Variants in RANBP2 observed in about 807,000 individuals in gnomAD.
The protein encoded by RANBP2 is E3 SUMO-protein ligase RanBP2.
In RANBP2, 57 loss-of-function variants were observed where a neutral mutation model predicts 303.6. The observed-to-expected ratio is 0.19, with a 90% CI of 0.15 to 0.23. The LOEUF (loss-of-function observed/expected upper bound fraction) is 0.23. Ranked by LOEUF, RANBP2 falls within the 10% of genes least tolerant of loss-of-function variation. The pLI is 1.00. For synonymous variants in RANBP2, 1,167 were observed against 1,301.5 expected (o/e 0.90, Z 2.23); for missense variants, 3,138 against 3,780.8 (o/e 0.83, Z 4.46).
the RANBP2 span, among the ~76,000 whole-genome samples, chr2:108,843,870 G>T: frequency 2.5e-4 from 4 of 16,066 alleles, 1 homozygote; most frequent in Admixed American, 2.0e-3. Context: ...GTGTGTGTGT[G>T]TGTGTGTGTT....
the RANBP2 span, among the ~76,000 whole-genome samples, chr2:109,287,984 C>T: frequency 8.5e-5 from 13 of 152,310 alleles, no homozygotes; most frequent in Middle Eastern, 6.8e-3. Context: ...ATTTGAAAGG[C>T]GAAGTGAGCC....
chr2:109,236,669 A>C, the RANBP2 span, among the ~76,000 whole-genome samples: 1 of 152,202 alleles, frequency 6.6e-6, no homozygotes, highest in Admixed American at 6.5e-5. Flanking sequence ...AAGACGCCTA[A>C]AGGTCAAGGT....
At chr2:109,708,183 C>T in the RANBP2 span, among the ~76,000 whole-genome samples, 1 of 152,120 alleles carries the variant, frequency 6.6e-6, no homozygotes, top group African/African-American at 2.4e-5. Context: ...CATGGCAAAA[C>T]CCCATCTCTA....
At chr2:108,874,309 A>G in the RANBP2 span, among the ~76,000 whole-genome samples, 3 of 152,226 alleles carry the variant, frequency 2.0e-5, no homozygotes, top group African/African-American at 7.2e-5. Flanking sequence ...TACTGCCACT[A>G]ATTTGGATTT....
intron 1 of RANBP2, among the ~76,000 whole-genome samples, chr2:108,722,632 T>C (rs997674522): frequency 1.6e-5 from 2 of 124,864 alleles, no homozygotes; most frequent in African/African-American, 9.5e-5. Flanking sequence ...CTCCCTCACA[T>C]GTGCTTTTGC....
At chr2:109,114,479 T>A in the RANBP2 span, among the ~76,000 whole-genome samples, 2 of 151,966 alleles carry the variant, frequency 1.3e-5, no homozygotes, top group African/African-American at 4.8e-5. Context: ...GGTGGTGATA[T>A]CCCCTTTATC....
the RANBP2 span, among the ~76,000 whole-genome samples, chr2:109,156,938 T>G: frequency 6.6e-6 from 1 of 152,234 alleles, no homozygotes; most frequent in African/African-American, 2.4e-5. Context: ...ATACTATTTC[T>G]TATTTAAAGA....
the RANBP2 span, among the ~76,000 whole-genome samples, chr2:109,493,662 T>C: frequency 6.7e-6 from 1 of 149,548 alleles, no homozygotes; most frequent in Non-Finnish European, 1.5e-5. Flanking sequence ...CACACACATA[T>C]TATACAAACA....
the RANBP2 span, among the ~76,000 whole-genome samples, chr2:109,632,645 C>T: frequency 6.6e-6 from 1 of 151,978 alleles, no homozygotes. Flanking sequence ...TTAGTAGAAA[C>T]CCCGTTTCTA....
the RANBP2 span, among the ~76,000 whole-genome samples, chr2:109,733,935 G>A: frequency 2.0e-5 from 3 of 152,008 alleles, no homozygotes; most frequent in South Asian, 2.1e-4. Flanking sequence ...ATTTTGGGAG[G>A]CCGACGTGGG....
At chr2:108,953,608 G>T in the RANBP2 span, among the ~76,000 whole-genome samples, 11 of 152,150 alleles carry the variant, frequency 7.2e-5, no homozygotes, top group Non-Finnish European at 1.5e-4. Flanking sequence ...AGTTGTTTTT[G>T]GTAGACCAGG....
At chr2:108,741,044 G>A (rs961717553) in intron 7 of RANBP2, among the ~76,000 whole-genome samples, 2 of 152,156 alleles carry the variant, frequency 1.3e-5, no homozygotes, top group African/African-American at 4.8e-5. Context: ...TTAATAAGTA[G>A]ATGTAGGGCA....
At chr2:109,451,285 G>A in the RANBP2 span, among the ~76,000 whole-genome samples, 113 of 152,324 alleles carry the variant, frequency 7.4e-4, no homozygotes, top group Middle Eastern at 3.4e-3. Context: ...CTACCCTGCA[G>A]CCCTTGTTAT....
At chr2:109,685,032 C>G in the RANBP2 span, among the ~76,000 whole-genome samples, 4 of 151,056 alleles carry the variant, frequency 2.6e-5, no homozygotes, top group African/African-American at 9.8e-5. Context: ...CACCATCATG[C>G]CTGGATAATT....
chr2:109,673,677 A>G, the RANBP2 span, among the ~76,000 whole-genome samples: 1 of 152,166 alleles, frequency 6.6e-6, no homozygotes, highest in Non-Finnish European at 1.5e-5. Context: ...GAGCCTGGCC[A>G]ACATGGCAAA....
At chr2:109,055,082 G>C in the RANBP2 span, among the ~76,000 whole-genome samples, 1 of 152,028 alleles carries the variant, frequency 6.6e-6, no homozygotes, top group Non-Finnish European at 1.5e-5. Context: ...CATTCTTGTA[G>C]TCTCCTCTGT....
At chr2:109,228,246 G>A in the RANBP2 span, among the ~76,000 whole-genome samples, 6 of 152,288 alleles carry the variant, frequency 3.9e-5, no homozygotes, top group African/African-American at 1.4e-4. Flanking sequence ...TTGGTGGCAG[G>A]TGTTAGCAGT....
At chr2:109,162,415 T>A in the RANBP2 span, among the ~76,000 whole-genome samples, 1,930 of 152,302 alleles carry the variant, frequency 0.013, 55 homozygotes, top group African/African-American at 0.044. Context: ...TTATTTATTT[T>A]TAATTTTTTT....
the RANBP2 span, among the ~76,000 whole-genome samples, chr2:109,507,993 G>C: frequency 6.6e-6 from 1 of 152,116 alleles, no homozygotes; most frequent in Non-Finnish European, 1.5e-5. Flanking sequence ...AGATGAGTTT[G>C]CTTCAGGCAT....
Sources: gnomAD v4.1 joint callset for allele counts (sites outside exome capture counted in the v4.1 genomes callset) on GRCh38, gnomAD v4.1.1 for gene constraint, MANE v1.5 for transcripts, NCBI Gene and HGNC (gene_info 2026-07-23, HGNC 2026-07-21) for gene names.